TRIM33: variants seen among roughly 807,000 people sequenced by gnomAD.
The protein encoded by TRIM33 is tripartite motif containing 33.
A neutral mutation model predicts 125.4 loss-of-function variants in TRIM33; 20 were observed. That is an observed-to-expected ratio of 0.16 (90% CI 0.11 to 0.23). The LOEUF (loss-of-function observed/expected upper bound fraction) is 0.23, where lower values mean the gene tolerates loss of function less well. Ranked by LOEUF, TRIM33 falls within the 10% of genes least tolerant of loss-of-function variation. The pLI, the probability that TRIM33 is intolerant of heterozygous loss-of-function variation, is 1.00. For synonymous variants in TRIM33, 564 were observed against 513.9 expected (o/e 1.10, Z -1.32); for missense variants, 920 against 1,411.4 (o/e 0.65, Z 5.58).
Position 114,396,766 on chromosome 1 carries a change from G to A in TRIM33, c.*882C>T. 1 of 207,534 alleles carries A rather than the reference G, an allele frequency of 4.8e-6. No individual in the cohort carries two copies. The highest frequency in any genetic ancestry group is 9.8e-6 in the Non-Finnish European group (1 of 101,572). The allele number at this position is 207,534 out of a possible 1,614,324, so 12.9% of individuals were successfully genotyped here. ...TGGTCTATCAGAAAACTGACATGAA[G>A]GAAGACTGGAAAAGAGCCAGTTGTC... On this transcript the variant is annotated 3_prime_UTR_variant, in exon 20 of 20. Coordinates refer to ENST00000358465, the MANE Select transcript of TRIM33 (RefSeq NM_015906.4).
At chr1:114,433,562 G>A (rs1648100293) in intron 5 of TRIM33, 55 bp downstream of exon 5, 5 of 1,058,572 alleles carry the variant, frequency 4.7e-6, no homozygotes, top group Non-Finnish European at 7.0e-6. Flanking sequence ...ATTTAAACTG[G>A]ACCCACTTCT....
chr1:114,415,557 C>A (rs1260297670), intron 11 of TRIM33, among the ~76,000 whole-genome samples: 1 of 152,148 alleles, frequency 6.6e-6, no homozygotes, highest in Non-Finnish European at 1.5e-5. Context: ...TATTCTCTGA[C>A]TTCCACAGGC....
At chr1:114,428,771 C>T (rs1010959969) in intron 6 of TRIM33, among the ~76,000 whole-genome samples, 14 of 152,212 alleles carry the variant, frequency 9.2e-5, no homozygotes, top group Middle Eastern at 3.4e-3. Context: ...ACATATTACA[C>T]TAGAAAACAT....
At chr1:114,466,274 TAGAGTA>T (rs1650293160) in intron 1 of TRIM33, among the ~76,000 whole-genome samples, 2 of 152,188 alleles carry the variant, frequency 1.3e-5, no homozygotes, top group African/African-American at 4.8e-5. Context: ...TAACTCTTCT[TAGAGTA>T]AATCAGTTAA....
At position 114,456,109 on chromosome 1, in the gene TRIM33, G is replaced by A. The variant is rs371383857; in HGVS notation, c.923+6995C>T. 7.2e-5 allele frequency among the ~76,000 whole-genome samples: 11 copies of A among 152,272 alleles called. No individual in the cohort carries two copies. In the East Asian group the frequency reaches 1.9e-3, roughly 27 times the overall value. Reference sequence around the variant, plus strand: ...GAATGTCTCAGCTGCCTTTATGTGAGGTGGTTACGTCTTCATTACCTGAAT... The same window carrying A: ...GAATGTCTCAGCTGCCTTTATGTGAAGTGGTTACGTCTTCATTACCTGAAT... On this transcript the variant is annotated intron_variant, in intron 4 of 19. Transcript: ENST00000358465.
intron 13 of TRIM33, 116 bp from the exon 14 acceptor site, chr1:114,407,216 G>A (rs560538838): frequency 1.2e-6 from 1 of 846,194 alleles, no homozygotes; most frequent in African/African-American, 1.7e-5. Context: ...TAACTTTACA[G>A]AAGATAAGGA....
At chr1:114,463,353 G>A in intron 3 of TRIM33, 59 bp downstream of exon 3, 3 of 1,560,196 alleles carry the variant, frequency 1.9e-6, no homozygotes, top group South Asian at 2.4e-5. Flanking sequence ...AAATTCTATA[G>A]GGGCAAAAGA....
At chr1:114,508,033 C>T (rs955431868) in intron 1 of TRIM33, among the ~76,000 whole-genome samples, 2 of 152,128 alleles carry the variant, frequency 1.3e-5, no homozygotes, top group African/African-American at 4.8e-5. Context: ...ACAAGAATCG[C>T]TTGAACCTGG....
chr1:114,503,626 G>A (rs1652832987), intron 1 of TRIM33, among the ~76,000 whole-genome samples: 2 of 152,010 alleles, frequency 1.3e-5, no homozygotes, highest in African/African-American at 2.4e-5. Flanking sequence ...AAAAATTCAC[G>A]TTCATTAATA....
intron 4 of TRIM33, among the ~76,000 whole-genome samples, chr1:114,453,412 A>T (rs1199684423): frequency 6.6e-6 from 1 of 152,056 alleles, no homozygotes; most frequent in Non-Finnish European, 1.5e-5. Context: ...TTAAGGTTAA[A>T]TGGCTCTCCT....
At chr1:114,407,232 C>T (rs1210927106) in intron 13 of TRIM33, 132 bp from the exon 14 acceptor site, 2 of 744,718 alleles carry the variant, frequency 2.7e-6, no homozygotes, top group Non-Finnish European at 4.2e-6. Context: ...AAGGATACCT[C>T]ATAATGTAGT....
At chr1:114,430,081 A>AT (rs1295586785) in intron 6 of TRIM33, among the ~76,000 whole-genome samples, 12 of 152,148 alleles carry the variant, frequency 7.9e-5, no homozygotes, top group African/African-American at 2.4e-4. Context: ...CTATGGAAAT[A>AT]TTTTTAAAAT....
At chr1:114,466,111 G>A (rs1650284030) in intron 1 of TRIM33, among the ~76,000 whole-genome samples, 1 of 151,906 alleles carries the variant, frequency 6.6e-6, no homozygotes. Context: ...TCAAACCAAA[G>A]GGAGAAATAG....
rs147839969 is a variant in TRIM33 at position 114,491,756 on chromosome 1, AC to A, written c.526+18794del. 2.9e-3 allele frequency among the ~76,000 whole-genome samples: 446 copies of A among 152,328 alleles called. 3 individuals are homozygous for A. Among genetic ancestry groups the A allele is most frequent in the Admixed American group, 5.4e-3 (83 of 15,296 alleles). ...GAGGCAAAGGTTGCAGTAAGCCGTA[AC>A]TGGGCCACTGCATTCCAGCCTGGGT... On this transcript the variant is annotated intron_variant, in intron 1 of 19. Transcript: ENST00000358465.
At chr1:114,472,199 G>A (rs1650695223) in intron 1 of TRIM33, among the ~76,000 whole-genome samples, 4 of 152,210 alleles carry the variant, frequency 2.6e-5, no homozygotes, top group East Asian at 3.9e-4. Context: ...TAACCTGGCT[G>A]CAATTTTCTT....
At chr1:114,471,443 CAA>C (rs34336957) in intron 1 of TRIM33, among the ~76,000 whole-genome samples, 18 of 100,010 alleles carry the variant, frequency 1.8e-4, no homozygotes, top group African/African-American at 1.6e-4. Context: ...GATTCTGTCT[CAA>C]AAAAAAAAAA....
At chr1:114,425,340 T>C in intron 9 of TRIM33, 109 bp downstream of exon 9, 1 of 1,389,598 alleles carries the variant, frequency 7.2e-7, no homozygotes, top group South Asian at 1.4e-5. Flanking sequence ...TTTTGAACTC[T>C]GCTCAGTCTT....
chr1:114,502,766 G>T (rs573874510), intron 1 of TRIM33, among the ~76,000 whole-genome samples: 2 of 152,032 alleles, frequency 1.3e-5, no homozygotes, highest in Non-Finnish European at 2.9e-5. Context: ...CTCAGCCTTC[G>T]AAAGTGCTGG....
intron 4 of TRIM33, among the ~76,000 whole-genome samples, chr1:114,434,518 A>T (rs193290827): frequency 6.6e-6 from 1 of 152,334 alleles, no homozygotes; most frequent in African/African-American, 2.4e-5. Flanking sequence ...ATATGTTAAA[A>T]TTTTCTAATC....
Sources: allele counts gnomAD v4.1 joint callset (sites outside exome capture counted in the v4.1 genomes callset), GRCh38; gene constraint gnomAD v4.1.1; transcripts MANE v1.5; gene names NCBI Gene and HGNC (gene_info 2026-07-23, HGNC 2026-07-21).